CNTNAP5: variants seen among roughly 807,000 people sequenced by gnomAD.
CNTNAP5 encodes contactin-associated protein-like 5.
Under a neutral mutation model 150.2 loss-of-function variants are expected in CNTNAP5, and 72 were observed. The observed-to-expected ratio is 0.48, with a 90% CI of 0.40 to 0.58. The LOEUF (loss-of-function observed/expected upper bound fraction) is 0.58, where lower values mean the gene tolerates loss of function less well. Ranked by LOEUF, CNTNAP5 falls within the 20% of genes least tolerant of loss-of-function variation. CNTNAP5 has a pLI of 0.00. For missense variants in CNTNAP5, 1,636 were observed against 1,626.2 expected, an observed-to-expected ratio of 1.01 and a Z score of -0.10; for synonymous variants, 672 against 619.8, an observed-to-expected ratio of 1.08 and a Z score of -1.25.
At chr2:124,602,680 C>T (rs772306656) in intron 11 of CNTNAP5, among the ~76,000 whole-genome samples, 17 of 152,034 alleles carry the variant, frequency 1.1e-4, no homozygotes, top group Admixed American at 3.9e-4. Flanking sequence ...TTTGTAAAAA[C>T]GGGGATCTAA....
chr2:124,824,695 T>C (rs1422671823), intron 19 of CNTNAP5, among the ~76,000 whole-genome samples: 1 of 152,150 alleles, frequency 6.6e-6, no homozygotes, highest in African/African-American at 2.4e-5. Flanking sequence ...GCCACTTTGC[T>C]CCCAGCTGGA....
chr2:124,450,203 A>G (rs1361049011), intron 6 of CNTNAP5, among the ~76,000 whole-genome samples: 2 of 151,934 alleles, frequency 1.3e-5, no homozygotes, highest in Non-Finnish European at 2.9e-5. Flanking sequence ...TTTTTGGAGC[A>G]TGTACTACTC....
At chr2:124,445,067 G>A (rs1334872330) in intron 5 of CNTNAP5, among the ~76,000 whole-genome samples, 3 of 151,652 alleles carry the variant, frequency 2.0e-5, no homozygotes, top group Non-Finnish European at 2.9e-5. Context: ...AGCTCAGGTG[G>A]ATCACACAAA....
intron 4 of CNTNAP5, among the ~76,000 whole-genome samples, chr2:124,432,788 T>G (rs569796805): frequency 6.6e-6 from 1 of 152,290 alleles, no homozygotes; most frequent in South Asian, 2.1e-4. Context: ...AGTAAACAAC[T>G]GAATCAAAAT....
rs1678765841 is a variant in CNTNAP5, at chr2:124,916,225, T to C, written c.*1937T>C. Among the ~76,000 whole-genome samples the C allele has an allele frequency of 1.3e-5, 2 of 152,156 alleles. No individual in the cohort carries two copies. The highest frequency in any genetic ancestry group is 4.1e-4 in the South Asian group (2 of 4,838). ...GCTTTATCATCTACATGATATCTTT[T>C]GGCTAGTACATTTATTTTAAAGTGA... is the stretch of plus-strand genomic sequence containing the variant. On this transcript the variant is annotated 3_prime_UTR_variant, in exon 24 of 24. Transcript: ENST00000682447.
rs115975593 is a variant in CNTNAP5 at position 124,727,757 on chromosome 2, C to A, written c.2078-19472C>A. Among the ~76,000 whole-genome samples, 921 of 152,034 alleles carry A rather than the reference C, an allele frequency of 6.1e-3. 13 individuals carry two copies. The highest frequency in any genetic ancestry group is 8.3e-3 in the Admixed American group (127 of 15,254). ...TATAAGATTATGTCATCTGCAGAGACAATTTTACTTATTTTTTCCATTTTG... is the reference window on the plus strand; with the variant it reads ...TATAAGATTATGTCATCTGCAGAGAAAATTTTACTTATTTTTTCCATTTTG... On this transcript the variant is annotated intron_variant, in intron 13 of 23. Transcript: ENST00000682447.
chr2:124,465,478 G>A (rs1328377078), intron 6 of CNTNAP5, among the ~76,000 whole-genome samples: 2 of 152,120 alleles, frequency 1.3e-5, no homozygotes, highest in East Asian at 3.8e-4. Context: ...AGACCGAATT[G>A]CCAAAAAAGA....
At chr2:124,110,334 TC>T (rs1310320219) in intron 1 of CNTNAP5, among the ~76,000 whole-genome samples, 3 of 152,166 alleles carry the variant, frequency 2.0e-5, no homozygotes, top group Admixed American at 1.3e-4. Context: ...TTCAAGCCTA[TC>T]TGGACTCATA....
intron 3 of CNTNAP5, among the ~76,000 whole-genome samples, chr2:124,273,966 C>T (rs1022363421): frequency 1.3e-5 from 2 of 152,078 alleles, no homozygotes; most frequent in Non-Finnish European, 2.9e-5. Flanking sequence ...CTGGCATTGG[C>T]CTGGAGAAAT....
At chr2:124,914,065 C>G (rs752393031) in intron 23 of CNTNAP5, 27 bp from the exon 24 acceptor site, 2 of 1,565,214 alleles carry the variant, frequency 1.3e-6, no homozygotes, top group Non-Finnish European at 1.8e-6. Context: ...CGATTTCCTT[C>G]TCTCTTTCCT....
intron 7 of CNTNAP5, among the ~76,000 whole-genome samples, chr2:124,494,799 C>A (rs2104853813): frequency 6.6e-6 from 1 of 151,618 alleles, no homozygotes; most frequent in Admixed American, 6.6e-5. Context: ...GCTATTATTT[C>A]TTTCAGCAAT....
chr2:124,653,018 G>A (rs1009703375), intron 13 of CNTNAP5, among the ~76,000 whole-genome samples: 15 of 152,176 alleles, frequency 9.9e-5, no homozygotes, highest in African/African-American at 2.2e-4. Context: ...AAGCATTTGC[G>A]GAGCAAATCA....
intron 3 of CNTNAP5, among the ~76,000 whole-genome samples, chr2:124,266,303 C>T (rs954425844): frequency 6.6e-6 from 1 of 152,138 alleles, no homozygotes; most frequent in Non-Finnish European, 1.5e-5. Context: ...CAGGACTACA[C>T]ATGACCATTT....
chr2:124,752,074 T>C (rs1340410070), intron 14 of CNTNAP5, among the ~76,000 whole-genome samples: 4 of 152,140 alleles, frequency 2.6e-5, no homozygotes, highest in Admixed American at 6.6e-5. Flanking sequence ...TTTTGAATAA[T>C]AGCCAGTCAG....
At chr2:124,564,877 ATT>A (rs1695980938) in intron 11 of CNTNAP5, among the ~76,000 whole-genome samples, 1 of 152,136 alleles carries the variant, frequency 6.6e-6, no homozygotes, top group Non-Finnish European at 1.5e-5. Flanking sequence ...TAAGATAAAC[ATT>A]TTCTAGACGT....
intron 13 of CNTNAP5, among the ~76,000 whole-genome samples, chr2:124,668,972 G>A (rs1678755006): frequency 6.6e-6 from 1 of 152,170 alleles, no homozygotes; most frequent in African/African-American, 2.4e-5. Flanking sequence ...CACTTCCAGA[G>A]GTGCCTTCTT....
intron 8 of CNTNAP5, among the ~76,000 whole-genome samples, chr2:124,517,935 G>C (rs1573430811): frequency 6.6e-6 from 1 of 151,748 alleles, no homozygotes; most frequent in East Asian, 1.9e-4. Flanking sequence ...GGTGATGGAG[G>C]GTGATGATGT....
chr2:124,812,897 C>T (rs1682268256), intron 19 of CNTNAP5, among the ~76,000 whole-genome samples: 1 of 152,154 alleles, frequency 6.6e-6, no homozygotes, highest in South Asian at 2.1e-4. Context: ...TCATATTTCA[C>T]TCAGAATAAA....
At chr2:124,478,525 C>T (rs1350032994) in intron 7 of CNTNAP5, among the ~76,000 whole-genome samples, 2 of 152,120 alleles carry the variant, frequency 1.3e-5, no homozygotes, top group African/African-American at 2.4e-5. Flanking sequence ...TGCACATGTA[C>T]ACACACACCC....
Sources: gnomAD v4.1 joint callset for allele counts (sites outside exome capture counted in the v4.1 genomes callset) on GRCh38, gnomAD v4.1.1 for gene constraint, MANE v1.5 for transcripts, NCBI Gene and HGNC (gene_info 2026-07-23, HGNC 2026-07-21) for gene names.